Variants in NPY2R observed in about 807,000 individuals in gnomAD.
The protein encoded by NPY2R is neuropeptide Y receptor Y2.
NPY2R carries 17 observed loss-of-function variants against 22.3 expected under a neutral mutation model. The observed-to-expected ratio is 0.76, with a 90% CI of 0.52 to 1.14. The LOEUF (loss-of-function observed/expected upper bound fraction) is 1.14. NPY2R is among the 50% of genes most tolerant of loss of function. NPY2R has a pLI of 0.00. For missense variants in NPY2R, 424 were observed against 467.9 expected, an observed-to-expected ratio of 0.91 and a Z score of 0.87; for synonymous variants, 209 against 183.4, an observed-to-expected ratio of 1.14 and a Z score of -1.13.
At chr4:155,203,030 TA>T in the NPY2R span, among the ~76,000 whole-genome samples, 1 of 152,298 alleles carries the variant, frequency 6.6e-6, no homozygotes, top group East Asian at 1.9e-4. Flanking sequence ...AATACCCTTT[TA>T]GATTTGGTTC....
chr4:155,199,608 C>T, the NPY2R span, among the ~76,000 whole-genome samples: 111 of 152,230 alleles, frequency 7.3e-4, 1 homozygote, highest in African/African-American at 2.5e-3. Context: ...TACTACCTGA[C>T]TTCAAACTAT....
chr4:155,176,538 T>C, the NPY2R span, among the ~76,000 whole-genome samples: 2 of 152,206 alleles, frequency 1.3e-5, no homozygotes, highest in Non-Finnish European at 2.9e-5. Flanking sequence ...GTTTACATGA[T>C]AAATTAGGTG....
At chr4:155,179,560 T>C in the NPY2R span, among the ~76,000 whole-genome samples, 1 of 152,168 alleles carries the variant, frequency 6.6e-6, no homozygotes, top group Non-Finnish European at 1.5e-5. Context: ...ATACAGTGAG[T>C]CTTTTCAACT....
the NPY2R span, among the ~76,000 whole-genome samples, chr4:155,177,977 T>G: frequency 6.6e-6 from 1 of 152,192 alleles, no homozygotes; most frequent in Non-Finnish European, 1.5e-5. Context: ...TTCTGCTTAC[T>G]CTGAAGTTAT....
chr4:155,188,363 T>A, the NPY2R span, among the ~76,000 whole-genome samples: 5 of 152,044 alleles, frequency 3.3e-5, no homozygotes, highest in African/African-American at 1.2e-4. Flanking sequence ...CATCCTAAAG[T>A]CTCTGATTCA....
rs964498687 is a variant in NPY2R at position 155,214,671 on chromosome 4, T to C, written c.732T>C (p.Ser244=). 1.9e-6 allele frequency: 3 copies of C among 1,614,052 alleles called. No homozygotes were observed. Among genetic ancestry groups the C allele is most frequent in the Non-Finnish European group, 2.5e-6 (3 of 1,180,046 alleles). ...CATTTTCCTACACTCGCATTTGGAGTAAATTGAAGAACCATGTCAGTCCTG... is the reference window on the plus strand; with the variant it reads ...CATTTTCCTACACTCGCATTTGGAGCAAATTGAAGAACCATGTCAGTCCTG... ...IISFSYTRIW[S]KLKNHVSPGA... Residue 244 remains serine, a synonymous_variant, in exon 2 of 2, where the codon AGT becomes AGC. Coordinates refer to ENST00000329476, the MANE Select transcript of NPY2R (RefSeq NM_000910.4).
At chr4:155,189,213 G>A in the NPY2R span, among the ~76,000 whole-genome samples, 70,805 of 151,744 alleles carry the variant, frequency 0.47, 17,224 homozygotes, top group East Asian at 0.69. Flanking sequence ...TACATTATCA[G>A]TACAATAATG....
At chr4:155,199,030 C>T in the NPY2R span, among the ~76,000 whole-genome samples, 1 of 151,950 alleles carries the variant, frequency 6.6e-6, no homozygotes, top group Non-Finnish European at 1.5e-5. Context: ...CTACTTAAAA[C>T]CTACAGTCTG....
At chr4:155,191,820 C>A in the NPY2R span, among the ~76,000 whole-genome samples, 7,154 of 151,840 alleles carry the variant, frequency 0.047, 537 homozygotes, top group African/African-American at 0.16. Context: ...AGACTTTAAG[C>A]CCTTTGGAGC....
chr4:155,200,156 A>T, the NPY2R span, among the ~76,000 whole-genome samples: 1 of 152,196 alleles, frequency 6.6e-6, no homozygotes, highest in Non-Finnish European at 1.5e-5. Flanking sequence ...ATTTATAAGA[A>T]AAAACAAACA....
rs372918535 is a variant in NPY2R, at chr4:155,214,567, G to A, written c.628G>A (p.Glu210Lys). The A allele has an allele frequency of 8.1e-6, 13 of 1,614,062 alleles. No individual in the cohort carries two copies. The highest frequency in any genetic ancestry group is 3.3e-5 in the Admixed American group (2 of 60,004). Residue 210 changes from glutamate (E) to lysine (K), a missense_variant, in exon 2 of 2, where the codon GAG (glutamate) becomes AAG (lysine). Glu to Lys is a moderately conservative substitution (Grantham distance 56). Transcript: ENST00000329476. Reference protein sequence around the residue: ...IVACTEKWPGEEKSIYGTVYS... With the variant: ...IVACTEKWPGKEKSIYGTVYS... ...GGCCTGTACTGAAAAGTGGCCTGGC[G>A]AGGAGAAGAGCATCTATGGCACTGT...
chr4:155,206,638 AAC>A (rs1729289291), upstream of NPY2R: 1 of 152,228 alleles, frequency 6.6e-6, no homozygotes, highest in South Asian at 2.1e-4. Flanking sequence ...TACTAAGACA[AAC>A]ACACGTCTAT....
chr4:155,184,729 A>G, the NPY2R span, among the ~76,000 whole-genome samples: 667 of 152,160 alleles, frequency 4.4e-3, 3 homozygotes, highest in African/African-American at 0.013. Flanking sequence ...ATTCTCAAAT[A>G]TTGTGCTGCG....
chr4:155,214,078 A>T lies in NPY2R; in HGVS notation c.139A>T (p.Ile47Phe). Reference protein sequence around the residue: ...EPELIDSTKLIEVQVVLILAY... With the variant: ...EPELIDSTKLFEVQVVLILAY... Reference sequence around the variant, plus strand: ...AGAGCTTATAGATAGTACCAAGCTGATTGAGGTACAAGTTGTTCTCATATT... The same window carrying T: ...AGAGCTTATAGATAGTACCAAGCTGTTTGAGGTACAAGTTGTTCTCATATT... Residue 47 changes from isoleucine to phenylalanine, a missense_variant, in exon 2 of 2, where the codon ATT becomes TTT. Ile to Phe is a conservative substitution (Grantham distance 21). Transcript: ENST00000329476. The T allele has an allele frequency of 6.2e-7, 1 of 1,614,100 alleles. No individual in the cohort carries two copies.
At chr4:155,197,497 G>C in the NPY2R span, among the ~76,000 whole-genome samples, 2,235 of 151,628 alleles carry the variant, frequency 0.015, 53 homozygotes, top group African/African-American at 0.05. Flanking sequence ...TCCTGACTAG[G>C]AGGAGCTCTC....
chr4:155,189,287 A>T, the NPY2R span, among the ~76,000 whole-genome samples: 1 of 151,986 alleles, frequency 6.6e-6, no homozygotes, highest in African/African-American at 2.4e-5. Flanking sequence ...CCTCAGTATA[A>T]TCTTTTACCA....
rs375533723 is a variant in NPY2R at position 155,214,608 on chromosome 4, C to T, written c.669C>T (p.Ser223=). The stretch of plus-strand genomic sequence containing the variant: ...ATGGCACTGTCTATAGTCTTTCTTC[C>T]TTGTTGATCTTGTATGTTTTGCCTC... ...SIYGTVYSLS[S]LLILYVLPLG... Residue 223 remains serine, a synonymous_variant, in exon 2 of 2, where the codon TCC becomes TCT. Transcript: ENST00000329476. The T allele has an allele frequency of 1.9e-5, 30 of 1,614,170 alleles. No homozygotes were observed. In the African/African-American group the frequency reaches 4.0e-4, roughly 22 times the overall value.
the NPY2R span, among the ~76,000 whole-genome samples, chr4:155,177,458 T>A: frequency 6.6e-6 from 1 of 152,006 alleles, no homozygotes; most frequent in Non-Finnish European, 1.5e-5. Flanking sequence ...TTTGACTCCA[T>A]GTCGAACCTC....
chr4:155,205,462 C>A (rs1729266389), upstream of NPY2R, among the ~76,000 whole-genome samples: 1 of 152,132 alleles, frequency 6.6e-6, no homozygotes, highest in Admixed American at 6.5e-5. Flanking sequence ...GTATGTATCA[C>A]AAGTGGTCCT....
Sources: allele counts gnomAD v4.1 joint callset (sites outside exome capture counted in the v4.1 genomes callset), GRCh38; gene constraint gnomAD v4.1.1; transcripts MANE v1.5; gene names NCBI Gene and HGNC (gene_info 2026-07-23, HGNC 2026-07-21).